The following FAM107A variants were observed in gnomAD, a reference collection of about 807,000 sequenced individuals.
FAM107A encodes family with sequence similarity 107 member A.
Under a neutral mutation model 13.7 loss-of-function variants are expected in FAM107A, and 19 were observed. The observed-to-expected ratio is 1.38, with a 90% CI of 0.97 to 2.03. FAM107A has a LOEUF of 2.03. Among genes scored for constraint, FAM107A ranks in the 30% most tolerant of loss-of-function variants. The probability of loss-of-function intolerance (pLI) is 0.00; values close to 1 mark genes in which losing one functional copy is unlikely to be tolerated. For synonymous variants in FAM107A, 82 were observed against 74.5 expected (o/e 1.10, Z -0.52); for missense variants, 203 against 184.4 (o/e 1.10, Z -0.58).
chr3:58,594,400 C>T (rs149409856), intron 1 of FAM107A, among the ~76,000 whole-genome samples: 6 of 152,286 alleles, frequency 3.9e-5, no homozygotes, highest in Admixed American at 1.3e-4. Flanking sequence ...CCCCTCTACC[C>T]AGTTGCCCCA....
At chr3:58,605,023 G>C (rs1393858075) in intron 1 of FAM107A, among the ~76,000 whole-genome samples, 4 of 152,194 alleles carry the variant, frequency 2.6e-5, no homozygotes, top group African/African-American at 9.7e-5. Flanking sequence ...GCAAAGTCCA[G>C]GCTCTTTCCA....
chr3:58,569,847 A>G lies in FAM107A; in HGVS notation c.14T>C (p.Ile5Thr). Residue 5 changes from isoleucine to threonine, a missense_variant, in exon 2 of 4, where the codon ATC becomes ACC. By Grantham distance (89) the Ile-to-Thr change is moderately conservative (BLOSUM62 -1). Transcript: ENST00000360997. This position sits in a 1 kb window ranked among gnomAD's most constrained non-coding sequence, Gnocchi z 5.7. MYSE[I>T]QRERADIGGL... is the part of the protein sequence containing the mutation. Reference sequence around the variant, plus strand: ...CCCAATGTCTGCCCGCTCCCTCTGGATCTCCGAGTACATGGCGGCTGTAGA... The same window carrying G: ...CCCAATGTCTGCCCGCTCCCTCTGGGTCTCCGAGTACATGGCGGCTGTAGA... 6.2e-7 allele frequency: 1 copy of G among 1,613,934 alleles called. No homozygotes were observed. The highest frequency in any genetic ancestry group is 8.5e-7 in the Non-Finnish European group (1 of 1,179,968).
At chr3:58,593,833 C>T (rs1190238874) in intron 1 of FAM107A, among the ~76,000 whole-genome samples, 1 of 152,258 alleles carries the variant, frequency 6.6e-6, no homozygotes, top group African/African-American at 2.4e-5. Context: ...TTTAATAGCC[C>T]TCATCTTTAC....
intron 1 of FAM107A, among the ~76,000 whole-genome samples, chr3:58,614,395 G>A (rs1421778302): frequency 6.6e-6 from 1 of 152,070 alleles, no homozygotes; most frequent in Non-Finnish European, 1.5e-5. Context: ...TTGTCTAGAA[G>A]ACTCTGCCTG....
In FAM107A at chr3:58,567,253, G is replaced by A. The variant is rs779074484; in HGVS notation, c.282C>T (p.Cys94=). Residue 94 remains cysteine (C), a synonymous_variant, in exon 3 of 4, where the codon TGC becomes TGT. Coordinates refer to ENST00000360997, the MANE Select transcript of FAM107A (RefSeq NM_001076778.3). ...KEELEAKRLQ[C]PFEQELLRRQ... is the part of the protein sequence containing the mutation. ...GTCTCAGCAGCTCCTGCTCAAAGGGGCACTGCAGCCGCTTGGCTTCCAGCT... is the reference window on the plus strand; with the variant it reads ...GTCTCAGCAGCTCCTGCTCAAAGGGACACTGCAGCCGCTTGGCTTCCAGCT... 6.2e-7 allele frequency: 1 copy of A among 1,614,154 alleles called. No homozygotes were observed. Among genetic ancestry groups the A allele is most frequent in the South Asian group, 1.1e-5 (1 of 91,080 alleles).
At chr3:58,599,235 C>A (rs11130657) in intron 1 of FAM107A, among the ~76,000 whole-genome samples, 1 of 152,198 alleles carries the variant, frequency 6.6e-6, no homozygotes, top group South Asian at 2.1e-4. Flanking sequence ...AGCCATCGCA[C>A]CTAGCCTCAA....
chr3:58,587,163 G>T, upstream of FAM107A: 1 of 1,324,792 alleles, frequency 7.5e-7, no homozygotes, highest in Non-Finnish European at 9.7e-7. Context: ...TAGCAGGCAG[G>T]GCGCGGGTGA....
At chr3:58,577,432 C>A, upstream of FAM107A, 1 of 985,344 alleles carries the variant, frequency 1.0e-6, no homozygotes, top group East Asian at 1.1e-4. The surrounding 1 kb of genome is among the most constrained non-coding windows in gnomAD (Gnocchi z 4.9). Context: ...CCCCTGGGAA[C>A]GGAGGCTGCT....
upstream of FAM107A, among the ~76,000 whole-genome samples, chr3:58,589,779 G>T (rs539899387): frequency 4.6e-5 from 7 of 152,274 alleles, no homozygotes; most frequent in East Asian, 7.7e-4. Flanking sequence ...GTCACATTCA[G>T]TCATCATGTC....
At chr3:58,606,438 G>A (rs566370092) in intron 1 of FAM107A, among the ~76,000 whole-genome samples, 1 of 152,312 alleles carries the variant, frequency 6.6e-6, no homozygotes, top group South Asian at 2.1e-4. Flanking sequence ...GTTCTTCCTA[G>A]AACACTTTCG....
intron 1 of FAM107A, among the ~76,000 whole-genome samples, chr3:58,584,598 G>A (rs1344568976): frequency 6.6e-6 from 1 of 152,160 alleles, no homozygotes; most frequent in African/African-American, 2.4e-5. Context: ...ATAACAATTG[G>A]CAGTGTCCTT....
intron 1 of FAM107A, chr3:58,586,786 G>C (rs1248252492): frequency 7.0e-7 from 1 of 1,436,226 alleles, no homozygotes; most frequent in Non-Finnish European, 9.2e-7. Flanking sequence ...ACTGGCCAGG[G>C]ACTGAGCGCC....
At position 58,604,545 on chromosome 3, in the gene FAM107A, C is replaced by T. The variant is rs1254740807; in HGVS notation, c.-69-15276G>A. ...ATAACTTGTTTCTCTCATTGTTGCA[C>T]GTGACAGCCTCACCCACTCCCTGGG... On this transcript the variant is annotated intron_variant, in intron 1 of 3. Transcript: ENST00000465970. The surrounding 1 kb of genome is among the most constrained non-coding windows in gnomAD (Gnocchi z 4.1). Among the ~76,000 whole-genome samples, 13 of 152,164 alleles carry T rather than the reference C, an allele frequency of 8.5e-5. No individual in the cohort carries two copies. Among genetic ancestry groups the T allele is most frequent in the South Asian group, 2.1e-4 (1 of 4,826 alleles).
At chr3:58,579,729 A>C (rs1393487526), upstream of FAM107A, among the ~76,000 whole-genome samples, 2 of 152,168 alleles carry the variant, frequency 1.3e-5, no homozygotes, top group Admixed American at 6.5e-5. Flanking sequence ...TCATCCCCGG[A>C]GAAGACAGAA....
At chr3:58,595,451 T>C (rs756372235) in intron 1 of FAM107A, among the ~76,000 whole-genome samples, 9 of 152,310 alleles carry the variant, frequency 5.9e-5, no homozygotes, top group Non-Finnish European at 8.8e-5. Context: ...ATTGATCTTA[T>C]GACAATACAC....
chr3:58,619,282 G>A (rs537925921), intron 1 of FAM107A, among the ~76,000 whole-genome samples: 11 of 152,240 alleles, frequency 7.2e-5, no homozygotes, highest in Admixed American at 5.9e-4. Flanking sequence ...ATTACAGGCC[G>A]TGAGCCACTG....
chr3:58,585,327 C>T (rs553574862), intron 1 of FAM107A, among the ~76,000 whole-genome samples: 1 of 152,296 alleles, frequency 6.6e-6, no homozygotes, highest in African/African-American at 2.4e-5. Flanking sequence ...AAATCAGATT[C>T]GTCTGATGAT....
upstream of FAM107A, among the ~76,000 whole-genome samples, chr3:58,587,504 TG>T (rs2065620982): frequency 6.8e-6 from 1 of 146,006 alleles, no homozygotes; most frequent in Non-Finnish European, 1.5e-5. Flanking sequence ...TGTGTGTGTG[TG>T]TGTGTGTGTG....
At chr3:58,593,580 C>CTT (rs55829290) in intron 1 of FAM107A, among the ~76,000 whole-genome samples, 2,519 of 147,964 alleles carry the variant, frequency 0.017, 67 homozygotes, top group African/African-American at 0.057. Flanking sequence ...TGACGAAGTC[C>CTT]TTTTTTTTTT....
Sources: gnomAD v4.1 joint callset for allele counts (sites outside exome capture counted in the v4.1 genomes callset) on GRCh38, gnomAD v4.1.1 for gene constraint, Gnocchi (gnomAD v3.1) non-coding constraint, MANE v1.5 for transcripts, NCBI Gene and HGNC (gene_info 2026-07-23, HGNC 2026-07-21) for gene names.